SDHA: variants seen among roughly 807,000 people sequenced by gnomAD.
SDHA encodes the protein succinate dehydrogenase [ubiquinone] flavoprotein subunit, mitochondrial.
SDHA carries 48 observed loss-of-function variants against 78.4 expected under a neutral mutation model. The observed-to-expected ratio is 0.61, with a 90% CI of 0.49 to 0.78. SDHA has a LOEUF of 0.78. SDHA is among the 30% of genes least tolerant of loss of function. SDHA has a pLI of 0.00. For synonymous variants in SDHA, 326 were observed against 353.9 expected, an observed-to-expected ratio of 0.92 and a Z score of 0.88; for missense variants, 680 against 892.7, an observed-to-expected ratio of 0.76 and a Z score of 3.04.
At chr5:240,828 C>T (rs184610605) in intron 11 of SDHA, among the ~76,000 whole-genome samples, 192 of 152,288 alleles carry the variant, frequency 1.3e-3, no homozygotes, top group African/African-American at 4.3e-3. Context: ...CTGTTCCATC[C>T]GTGTGGCTGC....
intron 8 of SDHA, chr5:234,901 G>T (rs186477430): frequency 1.8e-6 from 1 of 561,528 alleles, no homozygotes; most frequent in African/African-American, 1.9e-5. Context: ...TCCCTGAGAC[G>T]AGCGTGAGTT....
At chr5:267,963 C>T in the SDHA span, among the ~76,000 whole-genome samples, 2 of 152,172 alleles carry the variant, frequency 1.3e-5, no homozygotes, top group Non-Finnish European at 2.9e-5. Flanking sequence ...GGCAATACCC[C>T]CACCTCTGAG....
intron 10 of SDHA, among the ~76,000 whole-genome samples, 200 bp downstream of exon 10, chr5:236,799 C>A (rs1179487980): frequency 2.0e-5 from 3 of 152,144 alleles, no homozygotes; most frequent in African/African-American, 7.2e-5. Context: ...ATGTGCACCA[C>A]CACACCTGGC....
intron 10 of SDHA, among the ~76,000 whole-genome samples, chr5:240,118 A>T (rs1736048552): frequency 1.3e-5 from 2 of 152,194 alleles, no homozygotes; most frequent in Non-Finnish European, 2.9e-5. Flanking sequence ...ATTCACTCTA[A>T]GATCACTTAA....
rs894789868 is a variant in SDHA at position 248,227 on chromosome 5, T to C, written c.1552-2765T>C. Among the ~76,000 whole-genome samples, 73 of 151,544 alleles carry C rather than the reference T, an allele frequency of 4.8e-4. 1 individual carries two copies. Among genetic ancestry groups the C allele is most frequent in the African/African-American group, 1.7e-3 (69 of 41,480 alleles). On this transcript the variant is annotated intron_variant, in intron 11 of 14. Transcript: ENST00000264932. Reference sequence around the variant, plus strand: ...TTATGAGCTGACACTGAGGAAGAGATTCTGGGAGGATCCCGAGGACCCCTC... The same window carrying C: ...TTATGAGCTGACACTGAGGAAGAGACTCTGGGAGGATCCCGAGGACCCCTC...
chr5:251,651 C>G (rs1736843114), intron 13 of SDHA, 183 bp downstream of exon 13: 1 of 1,524,670 alleles, frequency 6.6e-7, no homozygotes, highest in African/African-American at 1.4e-5. Flanking sequence ...TCACTGTGAC[C>G]TTTTCCTTGC....
At chr5:247,937 A>G (rs1323013846) in intron 11 of SDHA, among the ~76,000 whole-genome samples, 3 of 152,234 alleles carry the variant, frequency 2.0e-5, no homozygotes, top group Non-Finnish European at 4.4e-5. Flanking sequence ...AGCAGCTGCA[A>G]AAGTAAAAGG....
chr5:258,825 C>G, downstream of SDHA, among the ~76,000 whole-genome samples: 1 of 86,300 alleles, frequency 1.2e-5, no homozygotes. Flanking sequence ...CGTGTGAGCT[C>G]CGCCCCCTGC....
chr5:264,936 G>A, the SDHA span, among the ~76,000 whole-genome samples: 10 of 152,142 alleles, frequency 6.6e-5, no homozygotes, highest in Admixed American at 3.9e-4. Flanking sequence ...GGCCAGGTGC[G>A]GTGGCTCACA....
At chr5:235,023 G>A in intron 8 of SDHA, 121 bp from the exon 9 acceptor site, 3 of 970,292 alleles carry the variant, frequency 3.1e-6, no homozygotes, top group Non-Finnish European at 5.0e-6. Context: ...GACCATACAT[G>A]AGGGGAAATT....
At chr5:232,076 C>G (rs1735438794) in intron 7 of SDHA, among the ~76,000 whole-genome samples, 1 of 152,186 alleles carries the variant, frequency 6.6e-6, no homozygotes, top group African/African-American at 2.4e-5. Context: ...TTCTGGGTTG[C>G]TTTTCTGACC....
chr5:244,659 T>A (rs1017464522), intron 11 of SDHA, among the ~76,000 whole-genome samples: 1 of 152,198 alleles, frequency 6.6e-6, no homozygotes, highest in Admixed American at 6.5e-5. Context: ...GCACTGGCCG[T>A]CTGTGTGGCC....
chr5:221,064 C>A (rs1194661312), intron 1 of SDHA, among the ~76,000 whole-genome samples: 1 of 152,120 alleles, frequency 6.6e-6, no homozygotes, highest in Non-Finnish European at 1.5e-5. Context: ...CCGCCCGCCT[C>A]GGTCTCCCAA....
At chr5:239,721 T>C (rs1156672758) in intron 10 of SDHA, among the ~76,000 whole-genome samples, 3 of 151,976 alleles carry the variant, frequency 2.0e-5, no homozygotes, top group Non-Finnish European at 4.4e-5. Context: ...TTTTTTCCCT[T>C]AGTGGAGTGA....
In SDHA at chr5:236,138, C is replaced by T. The variant is rs190522175; in HGVS notation, c.1261-290C>T. ...CTCCCAGGTTCAAGTGATTTTTCCG[C>T]CTCAGCCTCCCTAGTAGCTGGGATT... On this transcript the variant is annotated intron_variant, in intron 9 of 14. Coordinates refer to ENST00000264932, the MANE Select transcript of SDHA (RefSeq NM_004168.4). 1,733 of 430,072 alleles carry T rather than the reference C, an allele frequency of 4.0e-3. 18 individuals are homozygous for T. Among genetic ancestry groups the T allele is most frequent in the African/African-American group, 0.025 (1,250 of 49,792 alleles). 26.6% of individuals were successfully genotyped at this position (430,072 alleles called of 1,614,324 possible).
chr5:261,166 T>C (rs1315076866), downstream of SDHA, among the ~76,000 whole-genome samples: 8 of 6,338 alleles, frequency 1.3e-3, no homozygotes, highest in Non-Finnish European at 1.6e-3. Flanking sequence ...CCGCCTCCCG[T>C]CACAGCATTA....
At chr5:262,739 T>C in the SDHA span, among the ~76,000 whole-genome samples, 1 of 152,230 alleles carries the variant, frequency 6.6e-6, no homozygotes, top group African/African-American at 2.4e-5. Context: ...TAGGCTGTTC[T>C]TTTTAGAGAA....
At chr5:265,232 G>A in the SDHA span, among the ~76,000 whole-genome samples, 4 of 152,130 alleles carry the variant, frequency 2.6e-5, no homozygotes, top group African/African-American at 9.7e-5. Flanking sequence ...ATTTTTCTGA[G>A]AAAAAGGTGT....
At chr5:253,486 T>A (rs1736983253) in intron 13 of SDHA, among the ~76,000 whole-genome samples, 1 of 152,194 alleles carries the variant, frequency 6.6e-6, no homozygotes, top group Non-Finnish European at 1.5e-5. Flanking sequence ...TCCCCCAGGC[T>A]GGAGTGCAGT....
Sources: allele counts gnomAD v4.1 joint callset (sites outside exome capture counted in the v4.1 genomes callset), GRCh38; gene constraint gnomAD v4.1.1; transcripts MANE v1.5; gene names NCBI Gene and HGNC (gene_info 2026-07-23, HGNC 2026-07-21).